GHRL: variants seen among roughly 807,000 people sequenced by gnomAD.
GHRL encodes appetite-regulating hormone.
In GHRL, 24 loss-of-function variants were observed where a neutral mutation model predicts 16.9. The observed-to-expected ratio is 1.42, with a 90% CI of 1.03 to 2.00. The LOEUF is 2.00. GHRL is among the 30% of genes most tolerant of loss of function. The pLI, the probability that GHRL is intolerant of heterozygous loss-of-function variation, is 0.00. For missense variants in GHRL, 193 were observed against 142.1 expected (o/e 1.36, Z -1.82); for synonymous variants, 63 against 58.2 (o/e 1.08, Z -0.37).
At position 10,290,697 on chromosome 3, in the gene GHRL, G is replaced by T; in HGVS notation, c.-30+19C>A. 2.0e-6 allele frequency: 2 copies of T among 1,004,804 alleles called. No individual in the cohort carries two copies. Among genetic ancestry groups the T allele is most frequent in the Non-Finnish European group, 2.4e-6 (2 of 840,880 alleles). 62.2% of individuals were successfully genotyped at this position (1,004,804 alleles called of 1,614,324 possible). A position where few individuals can be genotyped will look rare whatever the true frequency, so the allele number is the denominator to read the frequency against. Reference sequence around the variant, plus strand: ...ATAAACCTGTCAGCAAACGCACACGGAGAGTAGAGAGAGCTTACCTGCAGT... The same window carrying T: ...ATAAACCTGTCAGCAAACGCACACGTAGAGTAGAGAGAGCTTACCTGCAGT... On this transcript the variant is annotated intron_variant, in intron 2 of 5. Transcript: ENST00000335542.
At chr3:10,286,375 T>C (rs975999515) in intron 5 of GHRL, among the ~76,000 whole-genome samples, 1 of 152,220 alleles carries the variant, frequency 6.6e-6, no homozygotes, top group Non-Finnish European at 1.5e-5. Context: ...AGTTACGCAG[T>C]GAAGACGGTG....
At chr3:10,290,002 T>C in intron 3 of GHRL, 71 bp downstream of exon 3, 5 of 1,568,304 alleles carry the variant, frequency 3.2e-6, no homozygotes, top group Non-Finnish European at 4.4e-6. Flanking sequence ...GCGCTGCTGC[T>C]CCAGGTCACA....
rs555952414 is a variant in GHRL, at chr3:10,291,125, C to G, written c.-439G>C. On this transcript the variant is annotated 5_prime_UTR_variant, in exon 2 of 6. Coordinates refer to ENST00000335542, the MANE Select transcript of GHRL (RefSeq NM_016362.5). ...CACTAGGAGAGCTCTGAGACCTCCC[C>G]AGTCCAGCGCCCCGTTGTTTCCCAT... 9.1e-6 allele frequency: 9 copies of G among 985,726 alleles called. No homozygotes were observed. The South Asian group carries it at 4.2e-4, about 46-fold the overall frequency. The allele number at this position is 985,726 out of a possible 1,614,324, so 61.1% of individuals were successfully genotyped here. A position where few individuals can be genotyped will look rare whatever the true frequency, so the allele number is the denominator to read the frequency against.
chr3:10,289,543 A>T (rs954669679), intron 4 of GHRL, among the ~76,000 whole-genome samples: 7 of 151,938 alleles, frequency 4.6e-5, no homozygotes, highest in Non-Finnish European at 1.0e-4. Context: ...TTCCGTCCCT[A>T]TTCTGTTGTA....
rs1358720319 is a variant in GHRL, at chr3:10,292,616, G to A, written c.-766+226C>T. On this transcript the variant is annotated intron_variant, in intron 1 of 5. Coordinates refer to ENST00000335542, the MANE Select transcript of GHRL (RefSeq NM_016362.5). ...TTTAGTCCCAGCAACATATGAGCAT[G>A]TCACCAGGAGGTCTTCACAGGCCTG... is the stretch of plus-strand genomic sequence containing the variant. 20 of 521,366 alleles carry A rather than the reference G, an allele frequency of 3.8e-5. No homozygotes were observed. The East Asian group carries it at 6.6e-4, about 17-fold the overall frequency. The allele number at this position is 521,366 out of a possible 1,614,324, so 32.3% of individuals were successfully genotyped here. A position where few individuals can be genotyped will look rare whatever the true frequency, so the allele number is the denominator to read the frequency against.
At chr3:10,291,757 T>C (rs1700050445) in intron 1 of GHRL, among the ~76,000 whole-genome samples, 1 of 152,196 alleles carries the variant, frequency 6.6e-6, no homozygotes, top group South Asian at 2.1e-4. Context: ...CAATGAGTTG[T>C]CTGCAGAGAA....
chr3:10,291,560 G>T, intron 1 of GHRL, 109 bp from the exon 2 acceptor site: 1 of 686,040 alleles, frequency 1.5e-6, no homozygotes, highest in Non-Finnish European at 1.8e-6. Context: ...AGGGTGAAAT[G>T]AGGCGATGGG....
At position 10,285,863 on chromosome 3, in the gene GHRL, G is replaced by A. The variant is rs776146116; in HGVS notation, c.*12C>T. The A allele has an allele frequency of 1.9e-6, 3 of 1,612,234 alleles. No homozygotes were observed. In the South Asian group the frequency reaches 3.3e-5, roughly 18 times the overall value. ...CTAAACTTAGAGAGAGGTGAGTAAG[G>A]CTTGTGGGCGATCACTTGTCGGCTG... On this transcript the variant is annotated 3_prime_UTR_variant, in exon 6 of 6. Coordinates refer to ENST00000335542, the MANE Select transcript of GHRL (RefSeq NM_016362.5).
At chr3:10,286,184 G>A (rs185193841) in intron 5 of GHRL, among the ~76,000 whole-genome samples, 2 of 152,338 alleles carry the variant, frequency 1.3e-5, no homozygotes, top group East Asian at 3.9e-4. Context: ...AGATGTGCAG[G>A]TGTTTCTGCC....
At chr3:10,287,311 G>T (rs1426971312) in intron 4 of GHRL, 2 of 152,578 alleles carry the variant, frequency 1.3e-5, no homozygotes, top group African/African-American at 4.8e-5. Context: ...CATATGCATA[G>T]ACCTTTCTTT....
At position 10,291,451 on chromosome 3, in the gene GHRL, C is replaced by T. The variant is rs997064408; in HGVS notation, c.-765G>A. On this transcript the variant is annotated splice_region_variant and 5_prime_UTR_variant, in exon 2 of 6. Coordinates refer to ENST00000335542, the MANE Select transcript of GHRL (RefSeq NM_016362.5). ...TCTTCTGAGAGGGAAGTGCATTGGACCTGGAGGTGGAAGATCTACGCTTAG... is the reference window on the plus strand; with the variant it reads ...TCTTCTGAGAGGGAAGTGCATTGGATCTGGAGGTGGAAGATCTACGCTTAG... 54 of 985,542 alleles carry T rather than the reference C, an allele frequency of 5.5e-5. No homozygotes were observed. The highest frequency in any genetic ancestry group is 6.0e-5 in the Non-Finnish European group (50 of 830,002). The allele number at this position is 985,542 out of a possible 1,614,324, so 61.0% of individuals were successfully genotyped here. A position where few individuals can be genotyped will look rare whatever the true frequency, so the allele number is the denominator to read the frequency against.
chr3:10,286,743 C>T lies in GHRL; in HGVS notation c.295G>A (p.Gly99Arg). The change falls in exon 5 of 6, where the codon GGG becomes AGG. Residue 99 changes from glycine (G) to arginine (R), a missense_variant. Coordinates refer to ENST00000335542, the MANE Select transcript of GHRL (RefSeq NM_016362.5). ...VQYQQHSQAL[G>R]KFLQDILWEE... ...CAGAGGATGTCCTGAAGAAACTTCC[C>T]CAGGGCCTGGCTGTGCTGCTGGTAC... 6.2e-7 allele frequency: 1 copy of T among 1,612,286 alleles called. No homozygotes were observed. The highest frequency in any genetic ancestry group is 2.2e-5 in the East Asian group (1 of 44,872).
chr3:10,292,765 A>T (rs979273359), intron 1 of GHRL, 77 bp downstream of exon 1: 3 of 367,022 alleles, frequency 8.2e-6, no homozygotes, highest in Middle Eastern at 4.4e-4. Context: ...ACCAACCCAT[A>T]AAAAAAAAAA....
At chr3:10,290,668 G>A in intron 2 of GHRL, 48 bp downstream of exon 2, 3 of 971,318 alleles carry the variant, frequency 3.1e-6, no homozygotes, top group Non-Finnish European at 3.7e-6. Flanking sequence ...AGCAGTCACG[G>A]ACAATAAACC....
chr3:10,290,385 C>G lies in GHRL; in HGVS notation c.-29-176G>C, dbSNP rs1699813963. On this transcript the variant is annotated intron_variant, in intron 2 of 5. Transcript: ENST00000335542. ...GTAGAAGATGATGGATGTGTGTTCT[C>G]TTCTCCAAGGCCGTTCAGGGCAGAA... The G allele has an allele frequency of 6.4e-6, 4 of 621,710 alleles. No homozygotes were observed. In the South Asian group the frequency reaches 7.9e-5, roughly 12 times the overall value. 38.5% of individuals were successfully genotyped at this position (621,710 alleles called of 1,614,324 possible). A position where few individuals can be genotyped will look rare whatever the true frequency, so the allele number is the denominator to read the frequency against.
chr3:10,286,622 G>T, intron 5 of GHRL, 82 bp downstream of exon 5: 2 of 729,326 alleles, frequency 2.7e-6, no homozygotes, highest in East Asian at 2.6e-5. Context: ...GGCAGAGGTT[G>T]GGGAAAACTC....
chr3:10,290,068 C>T lies in GHRL; in HGVS notation c.108+5G>A, dbSNP rs1443984769. ...AACATGTGGGGCTTTGTGGGGAGGT[C>T]TCACCTGGACTCTCTGGTGTTCAGG... On this transcript the variant is annotated splice_donor_5th_base_variant and intron_variant, in intron 3 of 5. Transcript: ENST00000335542. 2 of 1,611,050 alleles carry T rather than the reference C, an allele frequency of 1.2e-6. No individual in the cohort carries two copies. The highest frequency in any genetic ancestry group is 2.2e-5 in the East Asian group (1 of 44,776).
chr3:10,290,630 G>A (rs1481435343), intron 2 of GHRL, 86 bp downstream of exon 2: 1 of 593,566 alleles, frequency 1.7e-6, no homozygotes, highest in African/African-American at 2.0e-5. Flanking sequence ...GGGGACTCCT[G>A]AGGCCCAGAG....
At position 10,292,842 on chromosome 3, in the gene GHRL, C is replaced by G. The variant is rs1032686590; in HGVS notation, c.-766G>C. On this transcript the variant is annotated splice_region_variant and 5_prime_UTR_variant, in exon 1 of 6. Coordinates refer to ENST00000335542, the MANE Select transcript of GHRL (RefSeq NM_016362.5). ...CCTGAGACATGAAGCCTCCACTTAC[C>G]TGGACCCTGGAGGCCTCTCCGGGCA... The G allele has an allele frequency of 5.2e-6, 8 of 1,533,510 alleles. No individual in the cohort carries two copies. The highest frequency in any genetic ancestry group is 6.2e-6 in the Non-Finnish European group (7 of 1,132,530). The allele number at this position is 1,533,510 out of a possible 1,614,324, so 95.0% of individuals were successfully genotyped here.
Sources: allele counts gnomAD v4.1 joint callset (sites outside exome capture counted in the v4.1 genomes callset), GRCh38; gene constraint gnomAD v4.1.1; transcripts MANE v1.5; gene names NCBI Gene and HGNC (gene_info 2026-07-23, HGNC 2026-07-21).